The following ZNF804B variants were observed in gnomAD, a reference collection of about 807,000 sequenced individuals.
The protein encoded by ZNF804B is zinc finger protein 804B.
A neutral mutation model predicts 101.4 loss-of-function variants in ZNF804B; 80 were observed. The observed-to-expected ratio is 0.79, with a 90% CI of 0.66 to 0.95. The LOEUF is 0.95. ZNF804B is among the 40% of genes least tolerant of loss of function. ZNF804B has a pLI of 0.00. For synonymous variants in ZNF804B, 622 were observed against 558.8 expected (o/e 1.11, Z -1.59); for missense variants, 1,673 against 1,561.9 (o/e 1.07, Z -1.20).
chr7:89,117,217 T>C (rs1025524913), intron 1 of ZNF804B, among the ~76,000 whole-genome samples: 1 of 152,202 alleles, frequency 6.6e-6, no homozygotes. Flanking sequence ...TGTTTTAGAC[T>C]TCTGGCCTCC....
intron 1 of ZNF804B, among the ~76,000 whole-genome samples, chr7:89,189,907 C>A (rs535160617): frequency 6.6e-6 from 1 of 152,082 alleles, no homozygotes; most frequent in Admixed American, 6.6e-5. Flanking sequence ...ATTTATAATG[C>A]CATAGATAGT....
chr7:89,305,082 G>A (rs777407646), intron 2 of ZNF804B, among the ~76,000 whole-genome samples: 55 of 152,108 alleles, frequency 3.6e-4, no homozygotes, highest in African/African-American at 1.1e-3. Context: ...ACTGTGTAAT[G>A]AGAATGATTC....
At chr7:89,139,146 G>C (rs972377298) in intron 1 of ZNF804B, among the ~76,000 whole-genome samples, 10 of 152,076 alleles carry the variant, frequency 6.6e-5, no homozygotes, top group African/African-American at 2.2e-4. Flanking sequence ...GCATATAAAA[G>C]TTATGTTTAC....
Position 88,877,026 on chromosome 7 carries a change from A to ATATAT in ZNF804B, c.108+116942_108+116943insTATAT, listed in dbSNP as rs1491138122. On this transcript the variant is annotated intron_variant, in intron 1 of 3. Coordinates refer to ENST00000333190, the MANE Select transcript of ZNF804B (RefSeq NM_181646.5). ...AAAAAAAATATATATATATATATAT[A>ATATAT]ATATATATATATATATATATATATT... Among the ~76,000 whole-genome samples the ATATAT allele has an allele frequency of 2.3e-3, 93 of 41,082 alleles. 3 individuals carry two copies. Among genetic ancestry groups the ATATAT allele is most frequent in the African/African-American group, 9.5e-3 (57 of 5,992 alleles). 27.0% of individuals were successfully genotyped at this position (41,082 alleles called of 152,430 possible).
At chr7:88,966,315 C>T (rs1195164476) in intron 1 of ZNF804B, among the ~76,000 whole-genome samples, 1 of 151,496 alleles carries the variant, frequency 6.6e-6, no homozygotes, top group Non-Finnish European at 1.5e-5. Context: ...GTGGAAAGAG[C>T]AGATGTAATA....
chr7:88,860,220 A>G (rs943068271), intron 1 of ZNF804B, among the ~76,000 whole-genome samples: 24 of 152,096 alleles, frequency 1.6e-4, no homozygotes, highest in African/African-American at 5.8e-4. Flanking sequence ...AGAGGGCAAT[A>G]GTATATTCAA....
chr7:88,775,864 G>A (rs1790133256), intron 1 of ZNF804B, among the ~76,000 whole-genome samples: 1 of 151,888 alleles, frequency 6.6e-6, no homozygotes, highest in Admixed American at 6.6e-5. Flanking sequence ...TGTGTGTAGG[G>A]CTTTGTGGTA....
intron 1 of ZNF804B, among the ~76,000 whole-genome samples, chr7:88,969,443 C>T (rs1793501222): frequency 6.6e-6 from 1 of 151,594 alleles, no homozygotes; most frequent in African/African-American, 2.4e-5. Flanking sequence ...TTTAGCAAAC[C>T]ATATAAAAGT....
chr7:89,220,082 CAT>C (rs372671506), intron 2 of ZNF804B, among the ~76,000 whole-genome samples: 11,236 of 43,832 alleles, frequency 0.26, 2,925 homozygotes, highest in Non-Finnish European at 0.33. Flanking sequence ...TGTGTATATA[CAT>C]ATATATACGC....
chr7:89,025,603 A>G (rs1049103716), intron 1 of ZNF804B, among the ~76,000 whole-genome samples: 8 of 152,128 alleles, frequency 5.3e-5, no homozygotes, highest in Admixed American at 1.3e-4. Context: ...CCATTCATCT[A>G]TATACTCACT....
At chr7:88,912,872 A>G (rs1274283535) in intron 1 of ZNF804B, among the ~76,000 whole-genome samples, 2 of 152,218 alleles carry the variant, frequency 1.3e-5, no homozygotes, top group Non-Finnish European at 2.9e-5. Context: ...TTTGTGATTG[A>G]TTAAATAAAT....
chr7:89,046,589 C>A (rs1464490688), intron 1 of ZNF804B, among the ~76,000 whole-genome samples: 1 of 152,106 alleles, frequency 6.6e-6, no homozygotes, highest in Non-Finnish European at 1.5e-5. Flanking sequence ...ACCAAATATA[C>A]CTCCTTAAAA....
chr7:88,781,710 TCA>T (rs1790228505), intron 1 of ZNF804B, among the ~76,000 whole-genome samples: 2 of 151,862 alleles, frequency 1.3e-5, no homozygotes, highest in South Asian at 4.2e-4. Context: ...CTACTCAAAG[TCA>T]CAGTTAGTGA....
At position 89,334,647 on chromosome 7, in the gene ZNF804B, C is replaced by A; in HGVS notation, c.1665C>A (p.Asp555Glu). ...AATTCCAGAGGAAATATAATTTGGA[C>A]TACAGTGATTCTGAGCCAAATAAGA... ...WEKFQRKYNL[D>E]YSDSEPNKSE... Residue 555 changes from aspartate to glutamate, a missense_variant, in exon 4 of 4, where the codon GAC becomes GAA. Transcript: ENST00000333190. 6.2e-7 allele frequency: 1 copy of A among 1,613,726 alleles called. No homozygotes were observed. Among genetic ancestry groups the A allele is most frequent in the Non-Finnish European group, 8.5e-7 (1 of 1,179,816 alleles).
At chr7:89,065,962 A>G (rs764132135) in intron 1 of ZNF804B, among the ~76,000 whole-genome samples, 3 of 152,114 alleles carry the variant, frequency 2.0e-5, no homozygotes, top group Non-Finnish European at 2.9e-5. Flanking sequence ...TGACTTGTAA[A>G]TTTTGAGGAT....
chr7:88,775,157 G>C (rs1790123276), intron 1 of ZNF804B, among the ~76,000 whole-genome samples: 2 of 152,314 alleles, frequency 1.3e-5, no homozygotes, highest in African/African-American at 4.8e-5. Flanking sequence ...GTGAAGATAA[G>C]TAACTGATTC....
chr7:89,314,150 C>G (rs1790685247), intron 2 of ZNF804B, among the ~76,000 whole-genome samples: 1 of 152,030 alleles, frequency 6.6e-6, no homozygotes, highest in Admixed American at 6.6e-5. Context: ...CATTTTAATT[C>G]AAATTTTATA....
At chr7:89,255,444 C>T (rs1009164931) in intron 2 of ZNF804B, among the ~76,000 whole-genome samples, 2 of 152,124 alleles carry the variant, frequency 1.3e-5, no homozygotes, top group Non-Finnish European at 2.9e-5. Flanking sequence ...AAATAGCAGC[C>T]TTGAAACTAT....
intron 2 of ZNF804B, among the ~76,000 whole-genome samples, chr7:89,286,524 CTG>C (rs1337623848): frequency 1.3e-5 from 2 of 152,250 alleles, no homozygotes; most frequent in South Asian, 2.1e-4. Flanking sequence ...ACAAAATAGA[CTG>C]TGAATATGGC....
Sources: gnomAD v4.1 joint callset for allele counts (sites outside exome capture counted in the v4.1 genomes callset) on GRCh38, gnomAD v4.1.1 for gene constraint, MANE v1.5 for transcripts, NCBI Gene and HGNC (gene_info 2026-07-23, HGNC 2026-07-21) for gene names.